Variants in KMT2C observed in about 807,000 individuals in gnomAD.
KMT2C encodes histone-lysine N-methyltransferase 2C.
In KMT2C, 88 loss-of-function variants were observed where a neutral mutation model predicts 507.9. That is an observed-to-expected ratio of 0.17 (90% CI 0.15 to 0.21). The LOEUF (loss-of-function observed/expected upper bound fraction) is 0.21. KMT2C is among the 10% of genes least tolerant of loss of function. The probability of loss-of-function intolerance (pLI) is 1.00; values close to 1 mark genes in which losing one functional copy is unlikely to be tolerated. For synonymous variants in KMT2C, 2,049 were observed against 2,080.8 expected, an observed-to-expected ratio of 0.98 and a Z score of 0.42; for missense variants, 4,954 against 5,957.8, an observed-to-expected ratio of 0.83 and a Z score of 5.55.
intron 16 of KMT2C, among the ~76,000 whole-genome samples, chr7:152,233,917 C>T (rs2095199284): frequency 6.6e-6 from 1 of 152,158 alleles, no homozygotes. Flanking sequence ...GACGGATCAT[C>T]TGAGGCCAGG....
chr7:152,158,039 A>T, intron 44 of KMT2C: 1 of 621,344 alleles, frequency 1.6e-6, no homozygotes, highest in South Asian at 1.9e-5. Context: ...AATGAGACTT[A>T]AAATTTTCAA....
rs530490184 is a variant in KMT2C, at chr7:152,379,161, A to T, written c.162-20486T>A. 1.3e-4 allele frequency among the ~76,000 whole-genome samples: 20 copies of T among 152,118 alleles called. No individual in the cohort carries two copies. In the South Asian group the frequency reaches 3.3e-3, roughly 25 times the overall value. Reference sequence around the variant, plus strand: ...AATGCCCTTTTTTTAAATTATTATTATTTTTTTAAAAAGCAAATTCTGCCC... The same window carrying T: ...AATGCCCTTTTTTTAAATTATTATTTTTTTTTTAAAAAGCAAATTCTGCCC... On this transcript the variant is annotated intron_variant, in intron 1 of 58. Coordinates refer to ENST00000262189, the MANE Select transcript of KMT2C (RefSeq NM_170606.3).
At chr7:152,397,767 GT>G (rs1475319333) in intron 1 of KMT2C, among the ~76,000 whole-genome samples, 1 of 152,128 alleles carries the variant, frequency 6.6e-6, no homozygotes, top group African/African-American at 2.4e-5. Context: ...AGATATGATA[GT>G]TTTGTAAGAG....
intron 14 of KMT2C, among the ~76,000 whole-genome samples, chr7:152,243,461 T>C (rs2095419914): frequency 6.6e-6 from 1 of 152,218 alleles, no homozygotes; most frequent in Non-Finnish European, 1.5e-5. Flanking sequence ...ACAGTACCTA[T>C]GTTTTCATTT....
chr7:152,348,425 C>G (rs1329834227), intron 2 of KMT2C, among the ~76,000 whole-genome samples: 1 of 151,164 alleles, frequency 6.6e-6, no homozygotes, highest in Non-Finnish European at 1.5e-5. Flanking sequence ...GGTGAAACCC[C>G]GTATCTTCTA....
At chr7:152,421,345 C>CA (rs1163805585) in intron 1 of KMT2C, among the ~76,000 whole-genome samples, 26 of 152,100 alleles carry the variant, frequency 1.7e-4, no homozygotes, top group African/African-American at 5.8e-4. Context: ...GGGGATTTCT[C>CA]AAAGAACTGA....
rs141164422 is a variant in KMT2C at position 152,265,399 on chromosome 7, C to G, written c.1013-190G>C. On this transcript the variant is annotated intron_variant, in intron 7 of 58. Transcript: ENST00000262189. ...TGTAGGGTATTTAATCTAAATGTAA[C>G]CACATTAAATTTAATCGTATAGTTT... Among the ~76,000 whole-genome samples the G allele has an allele frequency of 9.9e-3, 1,505 of 152,214 alleles. 29 individuals are homozygous for G. Among genetic ancestry groups the G allele is most frequent in the African/African-American group, 0.035 (1,447 of 41,522 alleles).
intron 2 of KMT2C, among the ~76,000 whole-genome samples, chr7:152,333,660 T>C (rs2096904967): frequency 6.6e-6 from 1 of 152,180 alleles, no homozygotes; most frequent in African/African-American, 2.4e-5. Context: ...AAGAAAACTA[T>C]CTTCTACATT....
intron 1 of KMT2C, among the ~76,000 whole-genome samples, chr7:152,415,585 T>C (rs2097726244): frequency 6.6e-6 from 1 of 151,888 alleles, no homozygotes; most frequent in Admixed American, 6.6e-5. Context: ...ATACAAGTAA[T>C]AAAATTCAAA....
At chr7:152,247,048 T>C (rs1478495347) in intron 14 of KMT2C, among the ~76,000 whole-genome samples, 1 of 152,166 alleles carries the variant, frequency 6.6e-6, no homozygotes, top group Non-Finnish European at 1.5e-5. Context: ...ATTTAAATCA[T>C]GAAACTTAAA....
At chr7:152,287,745 C>G (rs538837464) in intron 6 of KMT2C, among the ~76,000 whole-genome samples, 2 of 152,050 alleles carry the variant, frequency 1.3e-5, no homozygotes, top group East Asian at 3.8e-4. Context: ...CAATTACAGC[C>G]GGACACAGTG....
Position 152,290,810 on chromosome 7 carries a change from T to C in KMT2C, c.850-16943A>G, listed in dbSNP as rs554354838. ...AACAGAAGTTATTTCTCAAATGTAG[T>C]TGAATGCTCCAATATTTTCCTTTAC... On this transcript the variant is annotated intron_variant, in intron 6 of 58. Coordinates refer to ENST00000262189, the MANE Select transcript of KMT2C (RefSeq NM_170606.3). Among the ~76,000 whole-genome samples, 1,288 of 152,266 alleles carry C rather than the reference T, an allele frequency of 8.5e-3. 23 individuals are homozygous for C. The highest frequency in any genetic ancestry group is 0.03 in the African/African-American group (1,243 of 41,552).
At chr7:152,159,999 C>T (rs1354880400) in intron 43 of KMT2C, among the ~76,000 whole-genome samples, 2 of 152,226 alleles carry the variant, frequency 1.3e-5, no homozygotes, top group Non-Finnish European at 2.9e-5. Flanking sequence ...GTAGGCCATA[C>T]AGCCCCTGGC....
rs1563766769 is a variant in KMT2C at position 152,297,045 on chromosome 7, GAAAGAA to G, written c.849+12915_849+12920del. Among the ~76,000 whole-genome samples, 3 of 91,340 alleles carry G rather than the reference GAAAGAA, an allele frequency of 3.3e-5. No individual in the cohort carries two copies. The East Asian group carries it at 9.6e-4, about 29-fold the overall frequency. The allele number at this position is 91,340 out of a possible 152,430, so 59.9% of individuals were successfully genotyped here. On this transcript the variant is annotated intron_variant, in intron 6 of 58. Coordinates refer to ENST00000262189, the MANE Select transcript of KMT2C (RefSeq NM_170606.3). ...AGAAAGAAAGAAAGAAAGAAAGAAA[GAAAGAA>G]AGACAGAGAGAGAGAGAGAGAGAGA...
chr7:152,397,861 CA>C (rs2116589245), intron 1 of KMT2C, among the ~76,000 whole-genome samples: 1 of 152,298 alleles, frequency 6.6e-6, no homozygotes, highest in South Asian at 2.1e-4. Context: ...GAGGCCTCCC[CA>C]AACACATGGA....
At chr7:152,246,455 C>A (rs180977174) in intron 14 of KMT2C, among the ~76,000 whole-genome samples, 1 of 151,994 alleles carries the variant, frequency 6.6e-6, no homozygotes, top group South Asian at 2.1e-4. Context: ...CCCAATATTT[C>A]GGAACATAAA....
chr7:152,299,742 T>G (rs1380221451), intron 6 of KMT2C, among the ~76,000 whole-genome samples: 4 of 151,746 alleles, frequency 2.6e-5, no homozygotes, highest in Non-Finnish European at 5.9e-5. Flanking sequence ...GTACATGGTC[T>G]AAATACCCCC....
intron 4 of KMT2C, 44 bp downstream of exon 4, chr7:152,315,094 T>A (rs200285496): frequency 1.2e-5 from 17 of 1,419,430 alleles, no homozygotes; most frequent in East Asian, 9.1e-5. Context: ...ATAAATTATA[T>A]GCAGTCTTAA....
In KMT2C at chr7:152,139,167, A is replaced by C; in HGVS notation, c.14534+19T>G. 6.2e-7 allele frequency: 1 copy of C among 1,613,052 alleles called. No homozygotes were observed. The highest frequency in any genetic ancestry group is 8.5e-7 in the Non-Finnish European group (1 of 1,179,064). ...CCCACAAGCAAAAGCACTCCCCGTC[A>C]GGTTCCTCGCTGTCTCACCTTGCGG... On this transcript the variant is annotated intron_variant, in intron 57 of 58. Transcript: ENST00000262189.
Sources: allele counts gnomAD v4.1 joint callset (sites outside exome capture counted in the v4.1 genomes callset), GRCh38; gene constraint gnomAD v4.1.1; transcripts MANE v1.5; gene names NCBI Gene and HGNC (gene_info 2026-07-23, HGNC 2026-07-21).